The following L2HGDH variants were observed in gnomAD, a reference collection of about 807,000 sequenced individuals.
The protein encoded by L2HGDH is L-2-hydroxyglutarate dehydrogenase, also known as L-2-hydroxyglutarate dehydrogenase, mitochondrial.
A neutral mutation model predicts 51.5 loss-of-function variants in L2HGDH; 34 were observed. The ratio of observed to expected loss-of-function variants is 0.66; its 90% confidence interval spans 0.50 to 0.88. The LOEUF (loss-of-function observed/expected upper bound fraction) is 0.88. Among genes scored for constraint, L2HGDH ranks in the 40% least tolerant of loss-of-function variants. L2HGDH has a pLI of 0.00. For synonymous variants in L2HGDH, 198 were observed against 197.9 expected, an observed-to-expected ratio of 1.00 and a Z score of -0.01; for missense variants, 558 against 571.9, an observed-to-expected ratio of 0.98 and a Z score of 0.25.
chr14:50,244,145 G>A lies in L2HGDH; in HGVS notation c.*2913C>T, dbSNP rs1887907095. On this transcript the variant is annotated 3_prime_UTR_variant, in exon 10 of 10. Transcript: ENST00000267436. ...GTGAATAGTGCCACAATAAACATAC[G>A]TGTGCATGTGTCTTTATAGCAGCAT... The A allele has an allele frequency of 6.5e-6, 1 of 152,698 alleles. No homozygotes were observed. The highest frequency in any genetic ancestry group is 2.4e-5 in the African/African-American group (1 of 41,506). 9.5% of individuals were successfully genotyped at this position (152,698 alleles called of 1,614,324 possible).
chr14:50,311,440 A>G (rs1473908693), intron 1 of L2HGDH: 2 of 455,898 alleles, frequency 4.4e-6, no homozygotes, highest in Non-Finnish European at 8.8e-6. Flanking sequence ...TCTTCTACAG[A>G]GGACAGAGAA....
chr14:50,271,333 T>C (rs1052059841), intron 6 of L2HGDH, among the ~76,000 whole-genome samples: 2 of 152,160 alleles, frequency 1.3e-5, no homozygotes, highest in Non-Finnish European at 2.9e-5. Context: ...AAGATAATAA[T>C]AGAATTTATA....
intron 8 of L2HGDH, among the ~76,000 whole-genome samples, chr14:50,267,179 T>TTATC (rs1889389458): frequency 6.6e-6 from 1 of 150,636 alleles, no homozygotes. Flanking sequence ...ATTTATTTAT[T>TTATC]TATTTATTTA....
intron 9 of L2HGDH, among the ~76,000 whole-genome samples, chr14:50,248,973 G>A (rs1888173384): frequency 1.3e-5 from 2 of 152,208 alleles, no homozygotes; most frequent in African/African-American, 4.8e-5. Context: ...GCCATGTGGT[G>A]TGGAGACAGA....
rs1184828195 is a variant in L2HGDH at position 50,244,017 on chromosome 14, A to C, written c.*3041T>G. 4.0e-5 allele frequency: 6 copies of C among 150,352 alleles called. No homozygotes were observed. The East Asian group carries it at 1.2e-3, about 29-fold the overall frequency. The allele number at this position is 150,352 out of a possible 1,614,324, so 9.3% of individuals were successfully genotyped here. On this transcript the variant is annotated 3_prime_UTR_variant, in exon 10 of 10. Coordinates refer to ENST00000267436, the MANE Select transcript of L2HGDH (RefSeq NM_024884.3). ...TCCCTACAAAGGACATGAACTCATC[A>C]TTTTTTATGGCTGCATAGTATTCCA...
chr14:50,269,390 GA>G (rs1159242085), intron 6 of L2HGDH, 60 bp from the exon 7 acceptor site: 178 of 1,488,024 alleles, frequency 1.2e-4, no homozygotes, highest in Non-Finnish European at 1.6e-4. Flanking sequence ...GTCAAGAGGG[GA>G]AAAACAGGTG....
rs1205396571 is a variant in L2HGDH at position 50,302,970 on chromosome 14, G to A, written c.188C>T (p.Ser63Phe). The change falls in exon 2 of 10, where the codon TCT becomes TTT. Residue 63 changes from serine (S) to phenylalanine (F), a missense_variant. Physicochemically the swap from Ser to Phe is radical, Grantham distance 155 (BLOSUM62 -2). This residue lies in a region of L2HGDH where 194 missense variants were observed against 187.2 expected (regional missense o/e 1.04). Transcript: ENST00000267436. ...IVGGGIVGLA[S>F]ARALILRHPS... ...ATGTCGCAGGATGAGTGCTCTGGCA[G>A]AGGCAAGCCCCACAATTCCGCCACC... 1 of 1,614,010 alleles carries A rather than the reference G, an allele frequency of 6.2e-7. No homozygotes were observed. The highest frequency in any genetic ancestry group is 1.7e-5 in the Admixed American group (1 of 60,016).
intron 1 of L2HGDH, among the ~76,000 whole-genome samples, chr14:50,303,840 A>G (rs1371364019): frequency 7.0e-6 from 1 of 142,354 alleles, no homozygotes; most frequent in Non-Finnish European, 1.5e-5. Flanking sequence ...CTCAAAAGTT[A>G]TACGCATCAC....
At chr14:50,284,793 G>A (rs890200331) in intron 4 of L2HGDH, among the ~76,000 whole-genome samples, 1 of 152,124 alleles carries the variant, frequency 6.6e-6, no homozygotes, top group African/African-American at 2.4e-5. Context: ...GACGGTGAGT[G>A]CTATTAATAA....
intron 8 of L2HGDH, among the ~76,000 whole-genome samples, chr14:50,265,725 C>A (rs888757861): frequency 6.6e-6 from 1 of 152,126 alleles, no homozygotes; most frequent in Admixed American, 6.5e-5. Flanking sequence ...ACCAGCCTGG[C>A]CAACATGGCA....
chr14:50,259,670 A>C (rs1364488345), intron 9 of L2HGDH, among the ~76,000 whole-genome samples: 1 of 151,398 alleles, frequency 6.6e-6, no homozygotes. Flanking sequence ...TCTACTAAAA[A>C]TAGGGAAAAA....
intron 4 of L2HGDH, chr14:50,293,416 G>C (rs774208177): frequency 4.0e-6 from 2 of 496,366 alleles, no homozygotes; most frequent in Admixed American, 7.1e-5. Context: ...ATATCTTCTA[G>C]ACCCTGGGCT....
intron 1 of L2HGDH, among the ~76,000 whole-genome samples, chr14:50,306,557 C>G (rs571678651): frequency 1.4e-3 from 205 of 149,626 alleles, no homozygotes; most frequent in Non-Finnish European, 1.9e-3. Flanking sequence ...GCTTCTCATC[C>G]TTGCTGCCTT....
At position 50,302,843 on chromosome 14, in the gene L2HGDH, C is replaced by T. The variant is rs996892905; in HGVS notation, c.256+59G>A. The stretch of plus-strand genomic sequence containing the variant: ...GACATTCAGCATGAAAGATTCACAA[C>T]AGACAAAATGAGCAGATGCCCAAGT... On this transcript the variant is annotated intron_variant, in intron 2 of 9. Coordinates refer to ENST00000267436, the MANE Select transcript of L2HGDH (RefSeq NM_024884.3). The T allele has an allele frequency of 3.2e-5, 36 of 1,113,016 alleles. No homozygotes were observed. In the East Asian group the frequency reaches 5.9e-4, roughly 18 times the overall value. The allele number at this position is 1,113,016 out of a possible 1,614,324, so 68.9% of individuals were successfully genotyped here.
chr14:50,308,824 T>C (rs1048188615), intron 1 of L2HGDH, among the ~76,000 whole-genome samples: 26 of 152,232 alleles, frequency 1.7e-4, no homozygotes, highest in African/African-American at 6.0e-4. Flanking sequence ...TCATAGTAGC[T>C]TTATTCGTAA....
intron 4 of L2HGDH, among the ~76,000 whole-genome samples, chr14:50,284,235 T>G (rs1595114938): frequency 6.6e-6 from 1 of 152,354 alleles, no homozygotes; most frequent in Admixed American, 6.5e-5. Flanking sequence ...GATTCTGAGT[T>G]GAATTACGTA....
In L2HGDH at chr14:50,247,340, A is replaced by T. The variant is rs913397574; in HGVS notation, c.1197-87T>A. ...GTTTCCAAAAAGTCTTAAAGCAATA[A>T]AGTATTCTTCTAAATGCACAATTAT... On this transcript the variant is annotated intron_variant, in intron 9 of 9. Coordinates refer to ENST00000267436, the MANE Select transcript of L2HGDH (RefSeq NM_024884.3). 103 of 1,544,490 alleles carry T rather than the reference A, an allele frequency of 6.7e-5. 1 individual carries two copies. Among genetic ancestry groups the T allele is most frequent in the Admixed American group, 3.8e-4 (19 of 49,768 alleles).
intron 1 of L2HGDH, chr14:50,311,245 G>A: frequency 7.0e-6 from 3 of 431,614 alleles, no homozygotes; most frequent in Non-Finnish European, 1.4e-5. Context: ...AGCTTCCCGT[G>A]GCTCTTAGAA....
At chr14:50,281,989 A>T (rs1890297343) in intron 5 of L2HGDH, among the ~76,000 whole-genome samples, 1 of 152,042 alleles carries the variant, frequency 6.6e-6, no homozygotes, top group South Asian at 2.1e-4. Flanking sequence ...TACAGGCGTG[A>T]GCCACCATGC....
Sources: gnomAD v4.1 joint callset for allele counts (sites outside exome capture counted in the v4.1 genomes callset) on GRCh38, gnomAD v4.1.1 for gene constraint, gnomAD v4.1.1 regional missense constraint, MANE v1.5 for transcripts, NCBI Gene and HGNC (gene_info 2026-07-23, HGNC 2026-07-21) for gene names.